UNC45A: variants seen among roughly 807,000 people sequenced by gnomAD.
The protein encoded by UNC45A is protein unc-45 homolog A.
Under a neutral mutation model 103.2 loss-of-function variants are expected in UNC45A, and 78 were observed. That is an observed-to-expected ratio of 0.76 (90% CI 0.63 to 0.91). The LOEUF is 0.91. Ranked by LOEUF, UNC45A falls within the 40% of genes least tolerant of loss-of-function variation. The pLI, the probability that UNC45A is intolerant of heterozygous loss-of-function variation, is 0.00. For missense variants in UNC45A, 1,193 were observed against 1,224.8 expected (o/e 0.97, Z 0.39); for synonymous variants, 495 against 504.6 (o/e 0.98, Z 0.25).
At chr15:90,953,379 G>A in intron 19 of UNC45A, 69 bp downstream of exon 19, 1 of 1,595,560 alleles carries the variant, frequency 6.3e-7, no homozygotes, top group Non-Finnish European at 8.5e-7. Context: ...GAAGGGGGCA[G>A]TCCTAGGGTG....
rs372041026 is a variant in UNC45A at position 90,948,163 on chromosome 15, C to T, written c.1617C>T (p.Ile539=). ...QCRKWLCNDQ[I]DAGTRRWAVE... is the part of the protein sequence containing the mutation. ...CCAGGTGGCTGTGCAATGACCAGAT[C>T]GACGCAGGCACTCGGCGCTGGGCAG... is the stretch of plus-strand genomic sequence containing the variant. Residue 539 remains isoleucine (I), a synonymous_variant, in exon 12 of 20, where the codon ATC becomes ATT. Transcript: ENST00000418476. The T allele has an allele frequency of 5.8e-5, 93 of 1,613,980 alleles. No homozygotes were observed. Among genetic ancestry groups the T allele is most frequent in the Middle Eastern group, 1.6e-4 (1 of 6,084 alleles).
intron 4 of UNC45A, among the ~76,000 whole-genome samples, chr15:90,938,280 T>G (rs1015167817): frequency 2.0e-5 from 3 of 151,978 alleles, no homozygotes; most frequent in African/African-American, 7.3e-5. Context: ...ATTTTTAAAT[T>G]AGGAGAAAAG....
intron 6 of UNC45A, among the ~76,000 whole-genome samples, chr15:90,941,761 A>C (rs978915994): frequency 9.9e-5 from 15 of 151,876 alleles, no homozygotes; most frequent in South Asian, 8.3e-4. Context: ...AGATTGAGAC[A>C]ATCCTGGCTA....
Position 90,936,684 on chromosome 15 carries a change from A to G in UNC45A, c.426+224A>G, listed in dbSNP as rs573936050. On this transcript the variant is annotated intron_variant, in intron 4 of 19. Transcript: ENST00000418476. ...TTTCGAGAAGGAGAGAGGCAGACAC[A>G]TCAGTGGTGAGGCTGGGGGCCAAGG... Among the ~76,000 whole-genome samples, 3 of 152,358 alleles carry G rather than the reference A, an allele frequency of 2.0e-5. No individual in the cohort carries two copies. The East Asian group carries it at 5.8e-4, about 29-fold the overall frequency.
At chr15:90,949,615 T>TCCCAGAGC in intron 14 of UNC45A, 39 bp from the exon 15 acceptor site, 8 of 1,612,382 alleles carry the variant, frequency 5.0e-6, no homozygotes, top group Non-Finnish European at 6.8e-6. Flanking sequence ...CCTGCCAGAG[T>TCCCAGAGC]CCCAGAGCTG....
Position 90,935,980 on chromosome 15 carries a change from A to G in UNC45A, c.248A>G (p.Lys83Arg), listed in dbSNP as rs2035995867. ...DYDKAETEAS[K>R]AIEKDGGDVK... ...GACAAAGCAGAAACAGAGGCATCCAAAGGTAGGGGAATGGTGGGCCCTGGT... is the reference window on the plus strand; with the variant it reads ...GACAAAGCAGAAACAGAGGCATCCAGAGGTAGGGGAATGGTGGGCCCTGGT... The change falls in exon 3 of 20, where the codon AAA becomes AGA. Residue 83 changes from lysine (K) to arginine (R), a missense_variant and splice_region_variant. Coordinates refer to ENST00000418476, the MANE Select transcript of UNC45A (RefSeq NM_018671.5). 11 of 1,613,936 alleles carry G rather than the reference A, an allele frequency of 6.8e-6. No individual in the cohort carries two copies. Among genetic ancestry groups the G allele is most frequent in the South Asian group, 1.1e-5 (1 of 91,074 alleles).
rs534711629 is a variant in UNC45A, at chr15:90,943,209, T to A, written c.1027+127T>A. The A allele has an allele frequency of 1.2e-5, 14 of 1,198,562 alleles. No individual in the cohort carries two copies. The East Asian group carries it at 3.6e-4, about 31-fold the overall frequency. The allele number at this position is 1,198,562 out of a possible 1,614,324, so 74.2% of individuals were successfully genotyped here. A position where few individuals can be genotyped will look rare whatever the true frequency, so the allele number is the denominator to read the frequency against. ...CACACTTTGAGAGGCAGGGGGTCAC[T>A]TGAAGCCGGGAGTTTGAGATCAGCC... On this transcript the variant is annotated intron_variant, in intron 8 of 19. Transcript: ENST00000418476.
Position 90,953,264 on chromosome 15 carries a change from T to C in UNC45A, c.2531T>C (p.Met844Thr). The C allele has an allele frequency of 6.2e-7, 1 of 1,613,424 alleles. No homozygotes were observed. Among genetic ancestry groups the C allele is most frequent in the Non-Finnish European group, 8.5e-7 (1 of 1,179,972 alleles). ...LQRAAAGGLA[M>T]LTSMRPTLCS... is the part of the protein sequence containing the mutation. ...CGGGCAGCTGCCGGGGGCTTGGCCA[T>C]GCTTACCTCCATGCGGCCCACGCTC... Residue 844 changes from methionine to threonine, a missense_variant, in exon 19 of 20, where the codon ATG becomes ACG. Transcript: ENST00000418476.
chr15:90,939,878 T>C, intron 5 of UNC45A, 55 bp downstream of exon 5: 1 of 1,517,982 alleles, frequency 6.6e-7, no homozygotes, highest in East Asian at 2.5e-5. Flanking sequence ...CACCCATCCA[T>C]AGGCCCCCGA....
At chr15:90,937,737 C>T (rs1440121445) in intron 4 of UNC45A, among the ~76,000 whole-genome samples, 2 of 152,018 alleles carry the variant, frequency 1.3e-5, no homozygotes, top group Non-Finnish European at 2.9e-5. Flanking sequence ...CTGCCTGCCT[C>T]GGCCTCCCAA....
chr15:90,946,597 C>A lies in UNC45A; in HGVS notation c.1200-17C>A. ...ATGTTGGCCTTGGTGTGACGGCTGT[C>A]ACCCTGTGCCCCTCAGGAGCTGGTT... On this transcript the variant is annotated splice_polypyrimidine_tract_variant and intron_variant, in intron 9 of 19. Coordinates refer to ENST00000418476, the MANE Select transcript of UNC45A (RefSeq NM_018671.5). 1 of 1,584,696 alleles carries A rather than the reference C, an allele frequency of 6.3e-7. No homozygotes were observed.
chr15:90,934,706 AAGG>A (rs1345100832), upstream of UNC45A: 3 of 397,818 alleles, frequency 7.5e-6, no homozygotes, highest in East Asian at 3.6e-5. Flanking sequence ...TACAATTACA[AAGG>A]AGAAGTTCAG....
At chr15:90,931,160 C>G, upstream of UNC45A, 7 of 1,300,720 alleles carry the variant, frequency 5.4e-6, no homozygotes, top group Non-Finnish European at 7.4e-6. Context: ...TTTTTTTGGC[C>G]TCTAATATCT....
chr15:90,933,748 T>C (rs571986920), upstream of UNC45A: 1 of 289,010 alleles, frequency 3.5e-6, no homozygotes, highest in East Asian at 5.7e-5. Context: ...TTGTTTGTTC[T>C]TCATACTAAT....
chr15:90,948,104 C>A, intron 11 of UNC45A, 38 bp from the exon 12 acceptor site: 4 of 1,611,646 alleles, frequency 2.5e-6, no homozygotes, highest in Non-Finnish European at 3.4e-6. Flanking sequence ...TCCGTACCCC[C>A]AATCCTGAGG....
Position 90,953,462 on chromosome 15 carries a change from A to G in UNC45A, c.2581A>G (p.Thr861Ala), listed in dbSNP as rs756721403. 1.3e-5 allele frequency: 21 copies of G among 1,613,128 alleles called. No homozygotes were observed. The East Asian group carries it at 4.2e-4, about 33-fold the overall frequency. ...ATCTACCCTGTTTTTCTCACAGACC[A>G]CACACTGGCTGGAGATCCTGCAGGC... ...TLCSRIPQVTTHWLEILQALL... is the reference protein window; with the variant it reads ...TLCSRIPQVTAHWLEILQALL... The change falls in exon 20 of 20, where the codon ACA (threonine) becomes GCA (alanine). Residue 861 changes from threonine to alanine, a missense_variant. Coordinates refer to ENST00000418476, the MANE Select transcript of UNC45A (RefSeq NM_018671.5).
intron 12 of UNC45A, 120 bp from the exon 13 acceptor site, chr15:90,948,534 T>C: frequency 2.0e-6 from 3 of 1,480,280 alleles, no homozygotes; most frequent in Non-Finnish European, 1.8e-6. Flanking sequence ...GTTTCCCGAA[T>C]TCATCCTGTA....
At position 90,949,306 on chromosome 15, in the gene UNC45A, C is replaced by A; in HGVS notation, c.1879-10C>A. ...CCTAGGCCCCTCTCCTAAGCTGCCT[C>A]CTCCCCCAGGACAAGCCAAGCTTCG... is the stretch of plus-strand genomic sequence containing the variant. On this transcript the variant is annotated splice_polypyrimidine_tract_variant and intron_variant, in intron 13 of 19. Coordinates refer to ENST00000418476, the MANE Select transcript of UNC45A (RefSeq NM_018671.5). 1 of 1,610,072 alleles carries A rather than the reference C, an allele frequency of 6.2e-7. No homozygotes were observed. The highest frequency in any genetic ancestry group is 8.5e-7 in the Non-Finnish European group (1 of 1,179,816).
upstream of UNC45A, chr15:90,933,946 G>A (rs2035892656): frequency 2.5e-6 from 1 of 398,046 alleles, no homozygotes; most frequent in East Asian, 3.6e-5. Context: ...GGGCCTTGGG[G>A]CTTTGACTTT....
Sources: gnomAD v4.1 joint callset for allele counts (sites outside exome capture counted in the v4.1 genomes callset) on GRCh38, gnomAD v4.1.1 for gene constraint, MANE v1.5 for transcripts, NCBI Gene and HGNC (gene_info 2026-07-23, HGNC 2026-07-21) for gene names.